The following ULK4 variants were observed in gnomAD, a reference collection of about 807,000 sequenced individuals.
ULK4 encodes the protein unc-51 like kinase 4, also known as inactive serine/threonine-protein kinase ULK4.
In ULK4, 133 loss-of-function variants were observed where a neutral mutation model predicts 160.6. The ratio of observed to expected loss-of-function variants is 0.83; its 90% confidence interval spans 0.72 to 0.96. The LOEUF is 0.96. Among genes scored for constraint, ULK4 ranks in the 40% least tolerant of loss-of-function variants. ULK4 has a pLI of 0.00. For missense variants in ULK4, 1,580 were observed against 1,499.5 expected, an observed-to-expected ratio of 1.05 and a Z score of -0.89; for synonymous variants, 534 against 539.8, an observed-to-expected ratio of 0.99 and a Z score of 0.15.
intron 21 of ULK4, among the ~76,000 whole-genome samples, chr3:41,787,480 G>C (rs924388026): frequency 1.3e-5 from 2 of 152,110 alleles, no homozygotes; most frequent in African/African-American, 4.8e-5. Context: ...GGGGATCTGT[G>C]CTTCCATCCC....
At chr3:41,382,509 T>C (rs1225215172) in intron 35 of ULK4, among the ~76,000 whole-genome samples, 1 of 152,350 alleles carries the variant, frequency 6.6e-6, no homozygotes, top group East Asian at 1.9e-4. Flanking sequence ...CCATAATTGT[T>C]ATTGCCAGTT....
chr3:41,839,370 C>T (rs1439721594), intron 17 of ULK4, among the ~76,000 whole-genome samples: 1 of 150,684 alleles, frequency 6.6e-6, no homozygotes, highest in Non-Finnish European at 1.5e-5. Context: ...CATGTTCTCA[C>T]TACAAAAAAT....
intron 1 of ULK4, among the ~76,000 whole-genome samples, chr3:41,959,227 T>C (rs1216874309): frequency 6.6e-6 from 1 of 152,096 alleles, no homozygotes; most frequent in African/African-American, 2.4e-5. Context: ...TAGCCAGGCA[T>C]GGTGGCACGC....
intron 35 of ULK4, among the ~76,000 whole-genome samples, chr3:41,290,155 G>A (rs1466832841): frequency 1.3e-5 from 2 of 152,114 alleles, no homozygotes; most frequent in Admixed American, 6.5e-5. Flanking sequence ...GATTACAGGC[G>A]TGAGCCACCA....
At chr3:41,383,697 CT>C (rs1380006562) in intron 35 of ULK4, among the ~76,000 whole-genome samples, 1 of 152,172 alleles carries the variant, frequency 6.6e-6, no homozygotes, top group East Asian at 1.9e-4. Context: ...AGTAAACTTT[CT>C]TTTGTGTTTC....
chr3:41,659,223 G>A (rs1392418674), intron 30 of ULK4, among the ~76,000 whole-genome samples: 1 of 152,162 alleles, frequency 6.6e-6, no homozygotes, highest in Non-Finnish European at 1.5e-5. Flanking sequence ...GTTGGATCTG[G>A]TTTACCAAAA....
At chr3:41,902,516 T>G (rs536981481) in intron 12 of ULK4, among the ~76,000 whole-genome samples, 1 of 146,840 alleles carries the variant, frequency 6.8e-6, no homozygotes, top group Non-Finnish European at 1.5e-5. Context: ...AGGCGGAGGT[T>G]GCAGTGAGCC....
At chr3:41,828,619 G>C (rs1164593674) in intron 18 of ULK4, among the ~76,000 whole-genome samples, 3 of 146,264 alleles carry the variant, frequency 2.1e-5, no homozygotes, top group Admixed American at 1.3e-4. Flanking sequence ...AGGAGAACTA[G>C]AAACCAATGC....
At chr3:41,404,676 T>C (rs948648133) in intron 34 of ULK4, among the ~76,000 whole-genome samples, 9 of 152,038 alleles carry the variant, frequency 5.9e-5, no homozygotes, top group Admixed American at 4.6e-4. Flanking sequence ...GGGAGTAGAG[T>C]CATTATCACA....
intron 35 of ULK4, among the ~76,000 whole-genome samples, 195 bp downstream of exon 35, chr3:41,397,884 T>C (rs982038445): frequency 6.6e-6 from 1 of 152,126 alleles, no homozygotes; most frequent in African/African-American, 2.4e-5. Flanking sequence ...CAGAAAAAAG[T>C]ATGTATATAT....
chr3:41,796,958 T>C (rs952801515), intron 20 of ULK4, among the ~76,000 whole-genome samples: 1 of 152,134 alleles, frequency 6.6e-6, no homozygotes, highest in Admixed American at 6.5e-5. Flanking sequence ...ACAGAAGTCA[T>C]CTTGAAGGGA....
chr3:41,462,359 T>C (rs1192766151), intron 33 of ULK4, among the ~76,000 whole-genome samples: 3 of 152,190 alleles, frequency 2.0e-5, no homozygotes, highest in Admixed American at 6.5e-5. Context: ...TATCAGGATT[T>C]TAAATGTAAC....
chr3:41,765,618 T>A (rs1372607831), intron 21 of ULK4, among the ~76,000 whole-genome samples: 1 of 152,022 alleles, frequency 6.6e-6, no homozygotes, highest in East Asian at 1.9e-4. Flanking sequence ...CAAAGAAAAG[T>A]ATATTTAAGA....
intron 16 of ULK4, among the ~76,000 whole-genome samples, chr3:41,886,941 T>C (rs1697743873): frequency 6.6e-6 from 1 of 152,150 alleles, no homozygotes; most frequent in African/African-American, 2.4e-5. Context: ...TAAACTTCAA[T>C]TTTCTTCTCT....
At chr3:41,768,401 A>T (rs879605432) in intron 21 of ULK4, among the ~76,000 whole-genome samples, 2 of 152,224 alleles carry the variant, frequency 1.3e-5, no homozygotes, top group Admixed American at 6.5e-5. Context: ...GGGGAAAAGA[A>T]AAGTGGTAGA....
intron 30 of ULK4, among the ~76,000 whole-genome samples, chr3:41,645,240 G>A (rs2034429474): frequency 6.6e-6 from 1 of 151,810 alleles, no homozygotes; most frequent in Admixed American, 6.5e-5. Flanking sequence ...GCTAGCTTTT[G>A]AATGTGTTTG....
At chr3:41,306,021 T>C (rs1461501171) in intron 35 of ULK4, among the ~76,000 whole-genome samples, 4 of 142,760 alleles carry the variant, frequency 2.8e-5, no homozygotes, top group Non-Finnish European at 6.1e-5. Context: ...CCCCTCCGCC[T>C]GGCAGTCGCC....
At chr3:41,922,654 T>G (rs1699232816) in intron 5 of ULK4, among the ~76,000 whole-genome samples, 1 of 150,480 alleles carries the variant, frequency 6.6e-6, no homozygotes, top group African/African-American at 2.5e-5. Flanking sequence ...AGAGATGGGG[T>G]GAGAACTGTT....
chr3:41,719,142 A>T (rs993897635), intron 22 of ULK4, among the ~76,000 whole-genome samples: 1 of 152,160 alleles, frequency 6.6e-6, no homozygotes, highest in African/African-American at 2.4e-5. Context: ...CCGTTCCTCT[A>T]TCATAACCTC....
Sources: allele counts gnomAD v4.1 joint callset (sites outside exome capture counted in the v4.1 genomes callset), GRCh38; gene constraint gnomAD v4.1.1; transcripts MANE v1.5; gene names NCBI Gene and HGNC (gene_info 2026-07-23, HGNC 2026-07-21).